The following PEX14 variants were observed in gnomAD, a reference collection of about 807,000 sequenced individuals.
PEX14 encodes the protein peroxisomal membrane protein PEX14.
A neutral mutation model predicts 49.5 loss-of-function variants in PEX14; 15 were observed. The ratio of observed to expected loss-of-function variants is 0.30; its 90% CI spans 0.20 to 0.47. PEX14 has a LOEUF of 0.47. PEX14 is among the 20% of genes least tolerant of loss of function. The probability of loss-of-function intolerance (pLI) is 1.00; values close to 1 mark genes in which losing one functional copy is unlikely to be tolerated. For synonymous variants in PEX14, 210 were observed against 212.7 expected, an observed-to-expected ratio of 0.99 and a Z score of 0.11; for missense variants, 398 against 494.8, an observed-to-expected ratio of 0.80 and a Z score of 1.86.
At chr1:10,480,051 G>T (rs554916868) in intron 1 of PEX14, among the ~76,000 whole-genome samples, 4 of 152,044 alleles carry the variant, frequency 2.6e-5, no homozygotes, top group Admixed American at 2.0e-4. Flanking sequence ...TACCCTTTTA[G>T]TGTTGACTGA....
chr1:10,527,396 A>T (rs1638519842), intron 2 of PEX14, among the ~76,000 whole-genome samples: 1 of 151,308 alleles, frequency 6.6e-6, no homozygotes, highest in Non-Finnish European at 1.5e-5. Flanking sequence ...ATGTGCCTAT[A>T]GTCCCAGCTA....
At chr1:10,595,953 A>G (rs1002470894) in intron 3 of PEX14, among the ~76,000 whole-genome samples, 1 of 152,168 alleles carries the variant, frequency 6.6e-6, no homozygotes, top group Non-Finnish European at 1.5e-5. Context: ...ATTCCTTTTA[A>G]CCTTTTGGAT....
chr1:10,584,989 T>C (rs76687927), intron 3 of PEX14, among the ~76,000 whole-genome samples: 44 of 152,224 alleles, frequency 2.9e-4, no homozygotes, highest in African/African-American at 1.0e-3. Flanking sequence ...AAGTTATATG[T>C]GCGAGGATCT....
intron 3 of PEX14, among the ~76,000 whole-genome samples, chr1:10,563,630 A>C (rs530046442): frequency 2.0e-5 from 3 of 147,158 alleles, no homozygotes; most frequent in East Asian, 4.1e-4. Flanking sequence ...CGTCTCAAAA[A>C]ATAAAAAAGT....
chr1:10,626,000 A>G lies in PEX14; in HGVS notation c.586-1272A>G, dbSNP rs1178746133. ...TGGTTACCCCATAAACCAAAGACCC[A>G]GAGCTGTGTTTTCTCAGCTGTAATG... On this transcript the variant is annotated intron_variant, in intron 7 of 8. Transcript: ENST00000356607. Among the ~76,000 whole-genome samples the G allele has an allele frequency of 2.0e-5, 3 of 152,238 alleles. No homozygotes were observed. The East Asian group carries it at 5.8e-4, about 29-fold the overall frequency.
chr1:10,497,326 A>C (rs1451705456), intron 2 of PEX14, among the ~76,000 whole-genome samples: 1 of 152,200 alleles, frequency 6.6e-6, no homozygotes, highest in African/African-American at 2.4e-5. Context: ...TTGCACAGAA[A>C]GCCCCACAGC....
chr1:10,511,768 G>A (rs1028945532), intron 2 of PEX14, among the ~76,000 whole-genome samples: 4 of 151,972 alleles, frequency 2.6e-5, no homozygotes, highest in Non-Finnish European at 5.9e-5. Context: ...TCTGTGGCCC[G>A]TGGGACCTCT....
In PEX14 at chr1:10,514,465, T is replaced by C. The variant is rs1258845300; in HGVS notation, c.84+19144T>C. ...ATGTCCTGGCAGGAAATTGGTCTAT[T>C]AGCGATTCACCTTCTTGGTGAGTAG... On this transcript the variant is annotated intron_variant, in intron 2 of 8. Transcript: ENST00000356607. This position sits in a 1 kb window ranked among gnomAD's most constrained non-coding sequence, Gnocchi z 4.4. 1.3e-5 allele frequency among the ~76,000 whole-genome samples: 2 copies of C among 152,198 alleles called. No homozygotes were observed. Among genetic ancestry groups the C allele is most frequent in the Non-Finnish European group, 2.9e-5 (2 of 68,038 alleles).
At chr1:10,542,501 C>T (rs1471174867) in intron 3 of PEX14, among the ~76,000 whole-genome samples, 1 of 152,196 alleles carries the variant, frequency 6.6e-6, no homozygotes, top group Non-Finnish European at 1.5e-5. Context: ...GTGGCTCACG[C>T]CTATAATCCC....
intron 2 of PEX14, among the ~76,000 whole-genome samples, chr1:10,517,835 A>T (rs1454373992): frequency 6.6e-6 from 1 of 152,002 alleles, no homozygotes; most frequent in Admixed American, 6.5e-5. Context: ...TTAGGGATTC[A>T]GTATTTGAAA....
At chr1:10,532,400 T>TG (rs1428252840) in intron 2 of PEX14, among the ~76,000 whole-genome samples, 3 of 121,134 alleles carry the variant, frequency 2.5e-5, no homozygotes, top group South Asian at 2.5e-4. Flanking sequence ...GTCAGAGGGA[T>TG]GGGGGGCGGG....
chr1:10,578,524 A>C (rs537261385), intron 3 of PEX14, among the ~76,000 whole-genome samples: 1 of 152,288 alleles, frequency 6.6e-6, no homozygotes, highest in South Asian at 2.1e-4. Flanking sequence ...ATCACCTTCA[A>C]CATCCAGTAT....
rs570460015 is a variant in PEX14, at chr1:10,619,427, C to A, written c.384+1010C>A. Among the ~76,000 whole-genome samples, 6 of 152,016 alleles carry A rather than the reference C, an allele frequency of 3.9e-5. No homozygotes were observed. The South Asian group carries it at 1.0e-3, about 26-fold the overall frequency. On this transcript the variant is annotated intron_variant, in intron 5 of 8. Transcript: ENST00000356607. ...CGCCTCCTGAGTTCAAGCAATTCTCCTGTCTCAGCTTCCTGAGTAGCTGGG... is the reference window on the plus strand; with the variant it reads ...CGCCTCCTGAGTTCAAGCAATTCTCATGTCTCAGCTTCCTGAGTAGCTGGG...
chr1:10,578,470 C>T (rs1409089992), intron 3 of PEX14, among the ~76,000 whole-genome samples: 1 of 152,074 alleles, frequency 6.6e-6, no homozygotes, highest in Non-Finnish European at 1.5e-5. Flanking sequence ...CTAGAAAAAA[C>T]TGAATTCTGC....
At chr1:10,506,854 C>T (rs1040138766) in intron 2 of PEX14, among the ~76,000 whole-genome samples, 3 of 152,100 alleles carry the variant, frequency 2.0e-5, no homozygotes, top group African/African-American at 7.2e-5. Context: ...AGTCTGTGGG[C>T]CCACACTCAA....
In PEX14 at chr1:10,597,361, C is replaced by T. The variant is rs373187558; in HGVS notation, c.170-1877C>T. 1.1e-4 allele frequency among the ~76,000 whole-genome samples: 16 copies of T among 152,324 alleles called. 1 individual carries two copies. Among genetic ancestry groups the T allele is most frequent in the South Asian group, 4.1e-4 (2 of 4,830 alleles). On this transcript the variant is annotated intron_variant, in intron 3 of 8. Coordinates refer to ENST00000356607, the MANE Select transcript of PEX14 (RefSeq NM_004565.3). The surrounding 1 kb of genome is among the most constrained non-coding windows in gnomAD (Gnocchi z 5.7). Reference sequence around the variant, plus strand: ...AACAATGTCTTTCCCACCAGGGCTCCGAAAGGGGTTCCCCTTCCTGTTTAG... The same window carrying T: ...AACAATGTCTTTCCCACCAGGGCTCTGAAAGGGGTTCCCCTTCCTGTTTAG...
At chr1:10,478,953 G>A (rs1417541272) in intron 1 of PEX14, among the ~76,000 whole-genome samples, 1 of 151,616 alleles carries the variant, frequency 6.6e-6, no homozygotes, top group African/African-American at 2.4e-5. Flanking sequence ...ATGTTTCACC[G>A]TATTAGCCAG....
At chr1:10,614,867 C>A (rs1477165287) in intron 4 of PEX14, among the ~76,000 whole-genome samples, 2 of 152,162 alleles carry the variant, frequency 1.3e-5, no homozygotes, top group East Asian at 3.8e-4. Context: ...AATGGACTTG[C>A]ACTAGATGTC....
chr1:10,522,073 G>A (rs1638317479), intron 2 of PEX14, among the ~76,000 whole-genome samples: 2 of 152,126 alleles, frequency 1.3e-5, no homozygotes, highest in African/African-American at 4.8e-5. Context: ...GCATTACCGT[G>A]GCCTTTATTA....
Sources: gnomAD v4.1 joint callset for allele counts (sites outside exome capture counted in the v4.1 genomes callset) on GRCh38, gnomAD v4.1.1 for gene constraint, Gnocchi (gnomAD v3.1) non-coding constraint, MANE v1.5 for transcripts, NCBI Gene and HGNC (gene_info 2026-07-23, HGNC 2026-07-21) for gene names.